Variants in SLC25A53 observed in about 807,000 individuals in gnomAD.
SLC25A53 encodes the protein solute carrier family 25 member 53.
In SLC25A53, 5 loss-of-function variants were observed where a neutral mutation model predicts 15.0. That is an observed-to-expected ratio of 0.33 (90% CI 0.17 to 0.70). The LOEUF is 0.70. Ranked by LOEUF, SLC25A53 falls within the 30% of genes least tolerant of loss-of-function variation. The probability of loss-of-function intolerance (pLI) is 0.67; values close to 1 mark genes in which losing one functional copy is unlikely to be tolerated. For missense variants in SLC25A53, 216 were observed against 241.6 expected, an observed-to-expected ratio of 0.89 and a Z score of 0.70; for synonymous variants, 95 against 100.0, an observed-to-expected ratio of 0.95 and a Z score of 0.30.
intron 1 of SLC25A53, among the ~76,000 whole-genome samples, chrX:104,120,435 G>A (rs2075390000): frequency 1.8e-5 from 2 of 111,917 alleles, no homozygotes; most frequent in Admixed American, 1.9e-4. Flanking sequence ...ATTACATTTA[G>A]TTCAAGGTAA....
intron 1 of SLC25A53, among the ~76,000 whole-genome samples, chrX:104,138,859 A>C (rs1462003153): frequency 3.6e-5 from 4 of 111,089 alleles, no homozygotes; most frequent in African/African-American, 1.3e-4. Context: ...TCCTCTCCAC[A>C]TCCAGCCACC....
chrX:104,132,175 C>T (rs1271312452), intron 1 of SLC25A53, among the ~76,000 whole-genome samples: 1 of 112,385 alleles, frequency 8.9e-6, no homozygotes, highest in Non-Finnish European at 1.9e-5. Context: ...TACTATAATA[C>T]ACTCAAACAC....
intron 1 of SLC25A53, among the ~76,000 whole-genome samples, chrX:104,121,092 ATGTC>A (rs199572660): frequency 0.011 from 1,266 of 112,195 alleles, 20 homozygotes; most frequent in African/African-American, 0.038. Context: ...TTTTAGATCT[ATGTC>A]TGTAAGAGAG....
chrX:104,138,243 CA>C (rs201707533), intron 1 of SLC25A53, among the ~76,000 whole-genome samples: 4 of 100,540 alleles, frequency 4.0e-5, no homozygotes, highest in Admixed American at 2.2e-4. Flanking sequence ...GGCGTCTCTA[CA>C]AAAAAAAAAC....
chrX:104,129,786 CTA>C (rs1419333539), intron 1 of SLC25A53, among the ~76,000 whole-genome samples: 4 of 104,086 alleles, frequency 3.8e-5, no homozygotes, highest in African/African-American at 1.0e-4. Context: ...TAAGAATCAA[CTA>C]TATATATAAA....
Position 104,104,689 on chromosome X carries a change from G to T in SLC25A53, c.569C>A (p.Ala190Asp). 1 of 1,211,239 alleles carries T rather than the reference G, an allele frequency of 8.3e-7. No individual in the cohort carries two copies. The highest frequency in any genetic ancestry group is 1.1e-6 in the Non-Finnish European group (1 of 895,343). Residue 190 changes from alanine to aspartate, a missense_variant, in exon 2 of 2, where the codon GCT becomes GAT. Transcript: ENST00000594199. ...PVLARNSLGSALYFSFKDPIQ... is the reference protein window; with the variant it reads ...PVLARNSLGSDLYFSFKDPIQ... ...GGGGTCCTTGAAAGAAAAATATAGA[G>T]CACTCCCCAGGCTGTTCCTGGCCAG...
chrX:104,115,581 G>A (rs1602492957), intron 1 of SLC25A53: 1 of 292,478 alleles, frequency 3.4e-6, no homozygotes, highest in East Asian at 5.2e-5. Context: ...TTTATGAAAG[G>A]AGCATCTTTT....
intron 1 of SLC25A53, 37 bp from the exon 2 acceptor site, chrX:104,105,325 A>ATT: frequency 2.1e-6 from 2 of 951,266 alleles, no homozygotes; most frequent in Non-Finnish European, 2.9e-6. Context: ...AGACTGACCA[A>ATT]TTAATTCTGT....
In SLC25A53 at chrX:104,128,797, C is replaced by A. The variant is rs1312179744; in HGVS notation, c.-31-23509G>T. Among the ~76,000 whole-genome samples, 3 of 111,070 alleles carry A rather than the reference C, an allele frequency of 2.7e-5. No homozygotes were observed. The East Asian group carries it at 8.4e-4, about 31-fold the overall frequency. Reference sequence around the variant, plus strand: ...ACACGTACACACACACACACACACACCCATGTATGTATAGTTGATTCATTA... The same window carrying A: ...ACACGTACACACACACACACACACAACCATGTATGTATAGTTGATTCATTA... On this transcript the variant is annotated intron_variant, in intron 1 of 1. Coordinates refer to ENST00000594199, the MANE Select transcript of SLC25A53 (RefSeq NM_001012755.5).
At chrX:104,122,316 TG>T (rs1360873334) in intron 1 of SLC25A53, among the ~76,000 whole-genome samples, 3 of 78,910 alleles carry the variant, frequency 3.8e-5, no homozygotes, top group South Asian at 6.3e-4. Flanking sequence ...TTTTTTTTTT[TG>T]TTTTTTTTTT....
chrX:104,099,688 A>G lies in SLC25A53; in HGVS notation c.*4646T>C, dbSNP rs2075272986. On this transcript the variant is annotated 3_prime_UTR_variant, in exon 2 of 2. Transcript: ENST00000594199. ...GGAAGAAAACTTATAAACAAAAGCA[A>G]AGAAATTATTATTACAAAAGTCAGC... 8.9e-6 allele frequency: 1 copy of G among 112,068 alleles called. No individual in the cohort carries two copies. Among genetic ancestry groups the G allele is most frequent in the Non-Finnish European group, 1.9e-5 (1 of 53,220 alleles). The allele number at this position is 112,068 out of a possible 1,213,427, so 9.2% of individuals were successfully genotyped here.
At chrX:104,124,810 C>T (rs971106415) in intron 1 of SLC25A53, among the ~76,000 whole-genome samples, 29 of 105,219 alleles carry the variant, frequency 2.8e-4, no homozygotes, top group Non-Finnish European at 5.0e-4. Flanking sequence ...GTGTAGCACA[C>T]GCTCAACTAA....
chrX:104,125,943 C>G (rs1328652202), intron 1 of SLC25A53, among the ~76,000 whole-genome samples: 5 of 111,730 alleles, frequency 4.5e-5, no homozygotes, highest in African/African-American at 1.6e-4. Context: ...ATAAAGATGT[C>G]AATTTTCCCC....
At chrX:104,144,639 C>A (rs781822566) in intron 1 of SLC25A53, among the ~76,000 whole-genome samples, 4 of 111,375 alleles carry the variant, frequency 3.6e-5, no homozygotes, top group Non-Finnish European at 5.6e-5. Context: ...CCTATGCTGA[C>A]GAGCCTTTGG....
intron 1 of SLC25A53, among the ~76,000 whole-genome samples, chrX:104,149,673 C>G: frequency 8.9e-6 from 1 of 111,884 alleles, no homozygotes; most frequent in East Asian, 2.8e-4. Context: ...TCACTGCCCC[C>G]TATTCTATTG....
intron 1 of SLC25A53, among the ~76,000 whole-genome samples, chrX:104,138,413 A>G (rs782099537): frequency 8.9e-6 from 1 of 112,401 alleles, no homozygotes; most frequent in South Asian, 3.7e-4. Context: ...TCACTTCTTC[A>G]GTGCCCCACT....
Position 104,150,963 on chromosome X carries a change from G to A in SLC25A53, c.-32+5915C>T, listed in dbSNP as rs190891183. Among the ~76,000 whole-genome samples the A allele has an allele frequency of 7.2e-5, 8 of 111,502 alleles. No homozygotes were observed. In the East Asian group the frequency reaches 8.4e-4, roughly 12 times the overall value. ...CTAAGGACCTCGCATAAGAAAACTC[G>A]TTCCTAGCAGAGGTCACTTCCCATC... On this transcript the variant is annotated intron_variant, in intron 1 of 1. Transcript: ENST00000594199.
intron 1 of SLC25A53, among the ~76,000 whole-genome samples, chrX:104,121,888 T>TC (rs1190863396): frequency 0.075 from 641 of 8,533 alleles, 131 homozygotes; most frequent in Middle Eastern, 0.16. Context: ...TATATATATA[T>TC]ATATATATAT....
chrX:104,149,999 G>A (rs186393710), intron 1 of SLC25A53, among the ~76,000 whole-genome samples: 96 of 110,456 alleles, frequency 8.7e-4, no homozygotes, highest in African/African-American at 2.5e-3. Context: ...TTGGGAGTCC[G>A]AGGCGGGAGG....
Sources: gnomAD v4.1 joint callset for allele counts (sites outside exome capture counted in the v4.1 genomes callset) on GRCh38, gnomAD v4.1.1 for gene constraint, MANE v1.5 for transcripts, NCBI Gene and HGNC (gene_info 2026-07-23, HGNC 2026-07-21) for gene names.